The following TRPM8 variants were observed in gnomAD, a reference collection of about 807,000 sequenced individuals.
TRPM8 encodes the protein TRPM8 cationic channel.
Under a neutral mutation model 133.7 loss-of-function variants are expected in TRPM8, and 110 were observed. The observed-to-expected ratio is 0.82, with a 90% CI of 0.70 to 0.96. The LOEUF (loss-of-function observed/expected upper bound fraction) is 0.96, where lower values mean the gene tolerates loss of function less well. Among genes scored for constraint, TRPM8 ranks in the 40% least tolerant of loss-of-function variants. TRPM8 has a pLI of 0.00. For missense variants in TRPM8, 1,291 were observed against 1,379.5 expected (o/e 0.94, Z 1.02); for synonymous variants, 535 against 532.3 (o/e 1.01, Z -0.07).
At position 233,961,067 on chromosome 2, in the gene TRPM8, G is replaced by A. The variant is rs187799320; in HGVS notation, c.1653+1G>A. The A allele has an allele frequency of 3.5e-5, 57 of 1,612,962 alleles. No individual in the cohort carries two copies. In the South Asian group the frequency reaches 4.3e-4, roughly 12 times the overall value. On this transcript the variant is annotated splice_donor_variant, in intron 12 of 25. Coordinates refer to ENST00000324695, the MANE Select transcript of TRPM8 (RefSeq NM_024080.5). LOFTEE classifies it high-confidence loss of function. ...GGACGAGATGGACATAGAACTCCAC[G>A]TAGGTACTGGGAGAGTTGCCTGCTT... is the stretch of plus-strand genomic sequence containing the variant.
At chr2:234,008,127 A>ATTT (rs746717772) in intron 24 of TRPM8, 24 bp downstream of exon 24, 162 of 1,428,118 alleles carry the variant, frequency 1.1e-4, no homozygotes, top group African/African-American at 2.5e-4. Flanking sequence ...AATAGTTTGG[A>ATTT]TTTTTTTTTT....
At chr2:234,001,965 G>A (rs73124571) in intron 22 of TRPM8, among the ~76,000 whole-genome samples, 2,110 of 152,284 alleles carry the variant, frequency 0.014, 39 homozygotes, top group African/African-American at 0.048. Context: ...CTGTGCCCTC[G>A]AGCAGGGCTC....
At chr2:234,005,467 T>C (rs1692669791) in intron 22 of TRPM8, among the ~76,000 whole-genome samples, 1 of 152,214 alleles carries the variant, frequency 6.6e-6, no homozygotes, top group South Asian at 2.1e-4. Flanking sequence ...TTTTAAGCAC[T>C]CCTGTTGGAC....
chr2:233,973,849 G>A (rs1031966449), intron 17 of TRPM8, among the ~76,000 whole-genome samples: 1 of 152,186 alleles, frequency 6.6e-6, no homozygotes, highest in Non-Finnish European at 1.5e-5. Context: ...ACCAGAGTGA[G>A]GAAGTGAGAG....
intron 8 of TRPM8, chr2:233,947,691 C>T (rs1691078026): frequency 9.8e-7 from 1 of 1,022,376 alleles, no homozygotes; most frequent in Non-Finnish European, 1.3e-6. Flanking sequence ...ATTTGACTTC[C>T]CAGCCAATCT....
chr2:233,976,692 G>A (rs1207434207), intron 17 of TRPM8, among the ~76,000 whole-genome samples: 1 of 152,132 alleles, frequency 6.6e-6, no homozygotes, highest in Non-Finnish European at 1.5e-5. Flanking sequence ...CAGCAATCCT[G>A]GGTATGAAAG....
chr2:233,966,895 G>A, intron 15 of TRPM8, 140 bp downstream of exon 15: 1 of 1,082,884 alleles, frequency 9.2e-7, no homozygotes, highest in Non-Finnish European at 1.3e-6. Context: ...TGGTGATGAT[G>A]TGGGAGATGG....
At chr2:233,935,638 T>C (rs1690711077) in intron 3 of TRPM8, among the ~76,000 whole-genome samples, 1 of 152,228 alleles carries the variant, frequency 6.6e-6, no homozygotes, top group African/African-American at 2.4e-5. Context: ...CCCACTTTGC[T>C]ATTCTCTAGC....
At chr2:234,002,973 A>G (rs932730127) in intron 22 of TRPM8, among the ~76,000 whole-genome samples, 1 of 152,214 alleles carries the variant, frequency 6.6e-6, no homozygotes, top group Non-Finnish European at 1.5e-5. Context: ...GTAATCTCAA[A>G]TATTTTGAAG....
Position 233,952,364 on chromosome 2 carries a change from C to T in TRPM8, c.1141-1553C>T, listed in dbSNP as rs145954768. On this transcript the variant is annotated intron_variant, in intron 9 of 25. Coordinates refer to ENST00000324695, the MANE Select transcript of TRPM8 (RefSeq NM_024080.5). Reference sequence around the variant, plus strand: ...AACATGGATACAAAAAGGCAGGTGCCGAGGGAGCCTGGCCTGGTGTGGGGC... The same window carrying T: ...AACATGGATACAAAAAGGCAGGTGCTGAGGGAGCCTGGCCTGGTGTGGGGC... Among the ~76,000 whole-genome samples, 958 of 152,102 alleles carry T rather than the reference C, an allele frequency of 6.3e-3. 9 individuals are homozygous for T. Among genetic ancestry groups the T allele is most frequent in the African/African-American group, 0.021 (885 of 41,488 alleles).
intron 21 of TRPM8, among the ~76,000 whole-genome samples, chr2:233,986,162 C>T (rs916357022): frequency 6.6e-6 from 1 of 152,230 alleles, no homozygotes; most frequent in African/African-American, 2.4e-5. Flanking sequence ...GAGGTTGGTA[C>T]CAATATCACC....
intron 3 of TRPM8, among the ~76,000 whole-genome samples, chr2:233,932,897 C>T (rs1019822040): frequency 6.7e-6 from 1 of 149,214 alleles, no homozygotes; most frequent in Non-Finnish European, 1.5e-5. Context: ...CCTGGTTTTG[C>T]TGTTACTTGC....
At position 233,989,648 on chromosome 2, in the gene TRPM8, G is replaced by A. The variant is rs1478183667; in HGVS notation, c.2939+3783G>A. The stretch of plus-strand genomic sequence containing the variant: ...ACCACATCAAAATACTCATTTAAAA[G>A]CTTAACCATACACAATGGCAACCTT... On this transcript the variant is annotated intron_variant, in intron 21 of 25. Transcript: ENST00000324695. This position sits in a 1 kb window ranked among gnomAD's most constrained non-coding sequence, Gnocchi z 4.2. 6.6e-6 allele frequency among the ~76,000 whole-genome samples: 1 copy of A among 152,192 alleles called. No homozygotes were observed. Among genetic ancestry groups the A allele is most frequent in the Non-Finnish European group, 1.5e-5 (1 of 68,030 alleles).
rs750405067 is a variant in TRPM8 at position 233,925,314 on chromosome 2, G to T, written c.-5-1219G>T. On this transcript the variant is annotated intron_variant, in intron 1 of 25. Transcript: ENST00000324695. ...AAGATACAGTCCTTGGCCTCAGCAA[G>T]TTAACAGGGGTCAAACAGATCATTA... 3.6e-4 allele frequency among the ~76,000 whole-genome samples: 55 copies of T among 152,206 alleles called. 1 individual carries two copies. Among genetic ancestry groups the T allele is most frequent in the Non-Finnish European group, 7.2e-4 (49 of 68,036 alleles).
At chr2:233,925,831 C>A (rs1691503240) in intron 1 of TRPM8, among the ~76,000 whole-genome samples, 1 of 152,012 alleles carries the variant, frequency 6.6e-6, no homozygotes, top group Non-Finnish European at 1.5e-5. Context: ...CTGAGTTAGA[C>A]TTTGGGAGAC....
intron 22 of TRPM8, among the ~76,000 whole-genome samples, chr2:233,998,227 A>G (rs1018688643): frequency 2.4e-4 from 37 of 152,186 alleles, no homozygotes; most frequent in African/African-American, 6.0e-4. Context: ...GCTCCTGAAC[A>G]TCTTTACATT....
At chr2:233,970,102 C>T in intron 16 of TRPM8, 108 bp from the exon 17 acceptor site, 1 of 1,066,318 alleles carries the variant, frequency 9.4e-7, no homozygotes, top group Non-Finnish European at 1.5e-6. Context: ...GCTCCCGTCT[C>T]TTCCTCCTGG....
Position 234,017,319 on chromosome 2 carries a change from T to C in TRPM8, c.*63T>C, listed in dbSNP as rs1473233695. 2 of 471,310 alleles carry C rather than the reference T, an allele frequency of 4.2e-6. No individual in the cohort carries two copies. Among genetic ancestry groups the C allele is most frequent in the Admixed American group, 2.3e-5 (1 of 42,588 alleles). 29.2% of individuals were successfully genotyped at this position (471,310 alleles called of 1,614,324 possible). ...TACAGATCATATTAAGGAATGCTGA[T>C]GAACAATTTTGCTATCGACTACTAA... On this transcript the variant is annotated 3_prime_UTR_variant, in exon 26 of 26. Transcript: ENST00000324695.
At chr2:233,961,880 T>A (rs1216265528) in intron 12 of TRPM8, among the ~76,000 whole-genome samples, 1 of 152,210 alleles carries the variant, frequency 6.6e-6, no homozygotes, top group Non-Finnish European at 1.5e-5. Flanking sequence ...TTTGCCTGCC[T>A]CGGCCTCCCA....
Sources: gnomAD v4.1 joint callset for allele counts (sites outside exome capture counted in the v4.1 genomes callset) on GRCh38, gnomAD v4.1.1 for gene constraint, Gnocchi (gnomAD v3.1) non-coding constraint, MANE v1.5 for transcripts, NCBI Gene and HGNC (gene_info 2026-07-23, HGNC 2026-07-21) for gene names.